PDGFRL: variants seen among roughly 807,000 people sequenced by gnomAD.
PDGFRL encodes platelet derived growth factor receptor like, also known as platelet-derived growth factor receptor-like protein.
A neutral mutation model predicts 37.2 loss-of-function variants in PDGFRL; 46 were observed. That is an observed-to-expected ratio of 1.24 (90% CI 0.98 to 1.58). The LOEUF is 1.58. Among genes scored for constraint, PDGFRL ranks in the 40% most tolerant of loss-of-function variants. The pLI is 0.00. For synonymous variants in PDGFRL, 251 were observed against 184.3 expected (o/e 1.36, Z -2.93); for missense variants, 692 against 467.6 (o/e 1.48, Z -4.43).
At chr8:17,601,455 G>GTT (rs11330550) in intron 2 of PDGFRL, among the ~76,000 whole-genome samples, 1 of 146,158 alleles carries the variant, frequency 6.8e-6, no homozygotes, top group South Asian at 2.2e-4. Context: ...CCCCGTTTTT[G>GTT]TTTTTTTTTT....
chr8:17,640,931 C>T (rs1230829637), intron 5 of PDGFRL, among the ~76,000 whole-genome samples: 3 of 151,584 alleles, frequency 2.0e-5, no homozygotes, highest in Admixed American at 1.3e-4. Context: ...AGACACTCTC[C>T]TTGGGCGGGT....
At chr8:17,593,557 C>A (rs1386626355) in intron 2 of PDGFRL, among the ~76,000 whole-genome samples, 2 of 150,508 alleles carry the variant, frequency 1.3e-5, no homozygotes, top group African/African-American at 4.9e-5. Context: ...GTGATCATAC[C>A]ACTATATTCC....
intron 5 of PDGFRL, among the ~76,000 whole-genome samples, chr8:17,639,077 G>C (rs1805039989): frequency 6.6e-6 from 1 of 151,770 alleles, no homozygotes; most frequent in South Asian, 2.1e-4. Context: ...AAAAAGAATA[G>C]CTACTCCTGC....
chr8:17,638,497 G>C (rs938662363), intron 5 of PDGFRL, among the ~76,000 whole-genome samples: 1 of 151,794 alleles, frequency 6.6e-6, no homozygotes, highest in Non-Finnish European at 1.5e-5. Context: ...TCCATGTGCT[G>C]ATGAATAGAA....
chr8:17,595,597 C>T (rs747363012), intron 2 of PDGFRL, among the ~76,000 whole-genome samples: 9 of 152,208 alleles, frequency 5.9e-5, no homozygotes, highest in East Asian at 1.9e-4. Flanking sequence ...AGGGTCTCTG[C>T]GTGGCTGAGC....
Position 17,600,815 on chromosome 8 carries a change from CAAAA to C in PDGFRL, c.353+11054_353+11057del, listed in dbSNP as rs72227622. ...AGACCCCATCTCTAAAAAAAAAAAA[CAAAA>C]AAACCTCTAAAAATTAGCCAGGCAT... is the stretch of plus-strand genomic sequence containing the variant. On this transcript the variant is annotated intron_variant, in intron 2 of 5. Transcript: ENST00000251630. Among the ~76,000 whole-genome samples, 14 of 144,318 alleles carry C rather than the reference CAAAA, an allele frequency of 9.7e-5. No homozygotes were observed. In the South Asian group the frequency reaches 1.6e-3, roughly 17 times the overall value. The allele number at this position is 144,318 out of a possible 152,430, so 94.7% of individuals were successfully genotyped here.
At chr8:17,633,183 C>T (rs946954418) in intron 4 of PDGFRL, among the ~76,000 whole-genome samples, 2 of 152,158 alleles carry the variant, frequency 1.3e-5, no homozygotes, top group East Asian at 1.9e-4. Context: ...AATCCCAGCA[C>T]TATGGGAGGT....
intron 2 of PDGFRL, among the ~76,000 whole-genome samples, chr8:17,591,084 A>C (rs183611536): frequency 6.6e-6 from 1 of 151,916 alleles, no homozygotes; most frequent in African/African-American, 2.4e-5. Context: ...GAGTTTCACT[A>C]TGTTAGCCAG....
chr8:17,601,135 G>A (rs564892931), intron 2 of PDGFRL, among the ~76,000 whole-genome samples: 13 of 152,146 alleles, frequency 8.5e-5, no homozygotes, highest in Non-Finnish European at 1.5e-4. Context: ...ATTCACTCCC[G>A]CATCCAACCA....
intron 2 of PDGFRL, among the ~76,000 whole-genome samples, chr8:17,600,832 A>G (rs1026889941): frequency 6.6e-6 from 1 of 151,698 alleles, no homozygotes; most frequent in Non-Finnish European, 1.5e-5. Context: ...ACCTCTAAAA[A>G]TTAGCCAGGC....
chr8:17,616,783 A>G (rs1293388080), intron 2 of PDGFRL, among the ~76,000 whole-genome samples: 2 of 152,106 alleles, frequency 1.3e-5, no homozygotes, highest in East Asian at 1.9e-4. Flanking sequence ...TGTCCTCTCC[A>G]GCACCTCCCA....
intron 2 of PDGFRL, among the ~76,000 whole-genome samples, chr8:17,614,163 A>G (rs553198765): frequency 6.7e-6 from 1 of 149,008 alleles, no homozygotes; most frequent in African/African-American, 2.6e-5. Flanking sequence ...AGATTGATAG[A>G]TGATAGAGGA....
intron 5 of PDGFRL, among the ~76,000 whole-genome samples, chr8:17,640,031 G>C (rs971976429): frequency 6.6e-6 from 1 of 152,036 alleles, no homozygotes; most frequent in Non-Finnish European, 1.5e-5. Context: ...TCTGATGTTC[G>C]AGTTCTGAAG....
At chr8:17,625,171 G>A (rs1375382610) in intron 3 of PDGFRL, among the ~76,000 whole-genome samples, 1 of 102,174 alleles carries the variant, frequency 9.8e-6, no homozygotes, top group Non-Finnish European at 1.8e-5. Flanking sequence ...TGTCTTTTTT[G>A]AGATGGAGTC....
intron 1 of PDGFRL, among the ~76,000 whole-genome samples, chr8:17,581,336 C>T (rs371392603): frequency 1.3e-5 from 2 of 152,186 alleles, no homozygotes; most frequent in Admixed American, 6.5e-5. Flanking sequence ...GGCTGTGATG[C>T]GTGGGACGGG....
intron 2 of PDGFRL, among the ~76,000 whole-genome samples, chr8:17,607,859 T>A (rs1387928171): frequency 6.6e-6 from 1 of 152,124 alleles, no homozygotes; most frequent in African/African-American, 2.4e-5. Flanking sequence ...AATGGGAAAT[T>A]TTATGTCCAC....
intron 2 of PDGFRL, among the ~76,000 whole-genome samples, chr8:17,601,459 T>G (rs1044292983): frequency 7.4e-6 from 1 of 135,508 alleles, no homozygotes; most frequent in African/African-American, 2.9e-5. Context: ...GTTTTTGTTT[T>G]TTTTTTTTTC....
intron 2 of PDGFRL, among the ~76,000 whole-genome samples, chr8:17,594,617 C>CAA (rs1563509763): frequency 6.6e-6 from 1 of 150,422 alleles, no homozygotes; most frequent in African/African-American, 2.5e-5. Context: ...TGCAGTGGTG[C>CAA]GATCTCAGCT....
At chr8:17,577,098 T>TG, upstream of PDGFRL, 1 of 700,296 alleles carries the variant, frequency 1.4e-6, no homozygotes, top group Non-Finnish European at 1.9e-6. Context: ...AAAAAAAAAT[T>TG]CCCCAACTTT....
Sources: allele counts gnomAD v4.1 joint callset (sites outside exome capture counted in the v4.1 genomes callset), GRCh38; gene constraint gnomAD v4.1.1; transcripts MANE v1.5; gene names NCBI Gene and HGNC (gene_info 2026-07-23, HGNC 2026-07-21).